HUNK: variants seen among roughly 807,000 people sequenced by gnomAD.
HUNK encodes hormonally up-regulated Neu-associated kinase, also known as hormonally up-regulated neu tumor-associated kinase.
HUNK carries 21 observed loss-of-function variants against 61.0 expected under a neutral mutation model. That is an observed-to-expected ratio of 0.34 (90% CI 0.24 to 0.50). HUNK has a LOEUF of 0.50. HUNK is among the 20% of genes least tolerant of loss of function. HUNK has a pLI of 0.98. For synonymous variants in HUNK, 371 were observed against 386.1 expected (o/e 0.96, Z 0.46); for missense variants, 772 against 945.7 (o/e 0.82, Z 2.41).
At chr21:31,911,596 C>A (rs1189040600) in intron 1 of HUNK, among the ~76,000 whole-genome samples, 4 of 152,144 alleles carry the variant, frequency 2.6e-5, no homozygotes, top group Non-Finnish European at 5.9e-5. Context: ...GGTGTGTTTT[C>A]ATGGTCCTCA....
chr21:31,946,200 G>A (rs925106010), intron 4 of HUNK, 29 bp downstream of exon 4: 3 of 1,600,054 alleles, frequency 1.9e-6, no homozygotes, highest in Non-Finnish European at 1.7e-6. Flanking sequence ...GAAAGTCAGT[G>A]TTCCTCCTGC....
At chr21:31,880,989 T>G (rs1267930663) in intron 1 of HUNK, among the ~76,000 whole-genome samples, 1 of 152,204 alleles carries the variant, frequency 6.6e-6, no homozygotes. Flanking sequence ...TTGAGAGGAC[T>G]GGGATTTATA....
At chr21:31,875,311 C>G (rs1053541371) in intron 1 of HUNK, among the ~76,000 whole-genome samples, 2 of 152,130 alleles carry the variant, frequency 1.3e-5, no homozygotes, top group African/African-American at 4.8e-5. Context: ...TGTCTTGGAG[C>G]CTTTTGCCTG....
At chr21:31,940,751 A>T (rs1296177117) in intron 3 of HUNK, among the ~76,000 whole-genome samples, 1 of 152,192 alleles carries the variant, frequency 6.6e-6, no homozygotes, top group East Asian at 1.9e-4. Flanking sequence ...GTCCATAGCA[A>T]ATTCACTGCA....
intron 1 of HUNK, among the ~76,000 whole-genome samples, chr21:31,918,433 G>C (rs550959448): frequency 6.6e-6 from 1 of 152,316 alleles, no homozygotes; most frequent in South Asian, 2.1e-4. Flanking sequence ...TGCAGCTGCT[G>C]TAACAAATGA....
chr21:31,941,685 G>A (rs13047865), intron 3 of HUNK, among the ~76,000 whole-genome samples: 18,307 of 152,180 alleles, frequency 0.12, 1,201 homozygotes, highest in East Asian at 0.22. Flanking sequence ...GGAAAACAAG[G>A]CACTCGTGTT....
At chr21:31,984,177 G>A (rs549319391) in intron 8 of HUNK, among the ~76,000 whole-genome samples, 3 of 152,052 alleles carry the variant, frequency 2.0e-5, no homozygotes, top group African/African-American at 4.8e-5. Context: ...GGCACTGTAG[G>A]GTGACTATAG....
chr21:31,929,693 C>G (rs2052684091), intron 2 of HUNK, among the ~76,000 whole-genome samples: 1 of 152,200 alleles, frequency 6.6e-6, no homozygotes, highest in Admixed American at 6.5e-5. Flanking sequence ...GGCTGCAGGA[C>G]CAGGAGAAAG....
At chr21:31,888,866 T>G (rs766335045) in intron 1 of HUNK, among the ~76,000 whole-genome samples, 8 of 151,800 alleles carry the variant, frequency 5.3e-5, no homozygotes, top group Admixed American at 1.3e-4. Flanking sequence ...GTATTATATA[T>G]AACATTAAAT....
At chr21:31,966,231 G>A (rs2123847401) in intron 5 of HUNK, among the ~76,000 whole-genome samples, 1 of 152,260 alleles carries the variant, frequency 6.6e-6, no homozygotes, top group African/African-American at 2.4e-5. Context: ...TGCTGTGAAT[G>A]CCATTAGTTT....
intron 10 of HUNK, 79 bp downstream of exon 10, chr21:31,996,027 C>G (rs986331856): frequency 9.5e-7 from 1 of 1,054,020 alleles, no homozygotes; most frequent in Non-Finnish European, 1.4e-6. Flanking sequence ...AGGGGATGGT[C>G]GAATGGGCCC....
At chr21:31,910,008 G>A (rs1430518408) in intron 1 of HUNK, among the ~76,000 whole-genome samples, 11 of 152,116 alleles carry the variant, frequency 7.2e-5, no homozygotes, top group Admixed American at 7.2e-4. Context: ...CTTTCCCTTT[G>A]CCCACCCTGC....
rs571638959 is a variant in HUNK, at chr21:32,003,119, G to T, written c.*3935G>T. 2 of 152,326 alleles carry T rather than the reference G, an allele frequency of 1.3e-5. No individual in the cohort carries two copies. Among genetic ancestry groups the T allele is most frequent in the African/African-American group, 4.8e-5 (2 of 41,456 alleles). 9.4% of individuals were successfully genotyped at this position (152,326 alleles called of 1,614,324 possible). On this transcript the variant is annotated 3_prime_UTR_variant, in exon 11 of 11. Coordinates refer to ENST00000270112, the MANE Select transcript of HUNK (RefSeq NM_014586.2). ...TCAAAGAACACAGAGAAATCAGAGAGTGGCTGCCATGGTCAGAGGGGGATG... is the reference window on the plus strand; with the variant it reads ...TCAAAGAACACAGAGAAATCAGAGATTGGCTGCCATGGTCAGAGGGGGATG...
intron 1 of HUNK, among the ~76,000 whole-genome samples, chr21:31,917,834 G>A (rs566220539): frequency 8.6e-5 from 13 of 152,038 alleles, no homozygotes; most frequent in South Asian, 4.2e-4. Context: ...AACCTGCAGC[G>A]TTGGTAAGAG....
At position 31,991,225 on chromosome 21, in the gene HUNK, C is replaced by CT. The variant is rs966437857; in HGVS notation, c.1305+1059dup. The stretch of plus-strand genomic sequence containing the variant: ...GCCTAATTTATGAACAAAACCCCAC[C>CT]TTTTTTTTTTGAGGTGGAGTCTTGC... On this transcript the variant is annotated intron_variant, in intron 9 of 10. Transcript: ENST00000270112. 6.8e-4 allele frequency among the ~76,000 whole-genome samples: 102 copies of CT among 149,178 alleles called. 1 individual carries two copies. The highest frequency in any genetic ancestry group is 1.3e-3 in the African/African-American group (53 of 40,712).
At chr21:31,893,938 T>C (rs1327212590) in intron 1 of HUNK, among the ~76,000 whole-genome samples, 1 of 152,240 alleles carries the variant, frequency 6.6e-6, no homozygotes, top group African/African-American at 2.4e-5. Flanking sequence ...CCTCTTTAGC[T>C]TCCGGGACTG....
chr21:31,958,888 G>A lies in HUNK; in HGVS notation c.792G>A (p.Thr264=), dbSNP rs764252939. 1.9e-5 allele frequency: 30 copies of A among 1,610,596 alleles called. No homozygotes were observed. Among genetic ancestry groups the A allele is most frequent in the Non-Finnish European group, 2.3e-5 (27 of 1,178,920 alleles). ...YAMLTGTLPF[T]VEPFSLRALY... ...TGTTGACCGGGACGCTGCCTTTCAC[G>A]GTGGAGCCTTTCAGCCTGAGGGCTT... Residue 264 remains threonine (T), a synonymous_variant, in exon 5 of 11, where the codon ACG becomes ACA. Transcript: ENST00000270112.
chr21:31,926,373 TA>T (rs2052659965), intron 2 of HUNK, among the ~76,000 whole-genome samples: 1 of 152,234 alleles, frequency 6.6e-6, no homozygotes, highest in Non-Finnish European at 1.5e-5. Flanking sequence ...AGTCACCATT[TA>T]AAAGTGTATA....
rs1288614055 is a variant in HUNK at position 31,999,281 on chromosome 21, A to C, written c.*97A>C. 9.0e-7 allele frequency: 1 copy of C among 1,114,444 alleles called. No homozygotes were observed. Among genetic ancestry groups the C allele is most frequent in the Non-Finnish European group, 1.3e-6 (1 of 772,124 alleles). The allele number at this position is 1,114,444 out of a possible 1,614,324, so 69.0% of individuals were successfully genotyped here. A position where few individuals can be genotyped will look rare whatever the true frequency, so the allele number is the denominator to read the frequency against. Reference sequence around the variant, plus strand: ...GTGAGCACTCCAAGGCCTCGCGTGGAGCATCCTTAGTCCCACCTGTAGCTG... The same window carrying C: ...GTGAGCACTCCAAGGCCTCGCGTGGCGCATCCTTAGTCCCACCTGTAGCTG... On this transcript the variant is annotated 3_prime_UTR_variant, in exon 11 of 11. Transcript: ENST00000270112.
Sources: gnomAD v4.1 joint callset for allele counts (sites outside exome capture counted in the v4.1 genomes callset) on GRCh38, gnomAD v4.1.1 for gene constraint, MANE v1.5 for transcripts, NCBI Gene and HGNC (gene_info 2026-07-23, HGNC 2026-07-21) for gene names.